The following DOCK1 variants were observed in gnomAD, a reference collection of about 807,000 sequenced individuals.
DOCK1 encodes the protein dedicator of cytokinesis protein 1.
Under a neutral mutation model 262.7 loss-of-function variants are expected in DOCK1, and 138 were observed. That is an observed-to-expected ratio of 0.53 (90% CI 0.46 to 0.61). DOCK1 has a LOEUF of 0.61. DOCK1 is among the 20% of genes least tolerant of loss of function. DOCK1 has a pLI of 0.00. For synonymous variants in DOCK1, 866 were observed against 867.4 expected (o/e 1.00, Z 0.03); for missense variants, 1,908 against 2,370.7 (o/e 0.80, Z 4.05).
At chr10:127,444,917 C>T (rs1276444612) in intron 50 of DOCK1, among the ~76,000 whole-genome samples, 2 of 151,656 alleles carry the variant, frequency 1.3e-5, no homozygotes, top group African/African-American at 2.4e-5. Context: ...ACATCACTCC[C>T]CTCTCTGCCC....
At position 127,215,078 on chromosome 10, in the gene DOCK1, C is replaced by T. The variant is rs1451601471; in HGVS notation, c.2848-32930C>T. Among the ~76,000 whole-genome samples, 3 of 152,054 alleles carry T rather than the reference C, an allele frequency of 2.0e-5. No individual in the cohort carries two copies. The East Asian group carries it at 5.8e-4, about 30-fold the overall frequency. On this transcript the variant is annotated intron_variant, in intron 27 of 51. Transcript: ENST00000623213. ...TTTCACCCAGGGCCTCCCTTTGGTT[C>T]TCGTTTTGTTCTTTGCCTCTTCCAG...
At chr10:127,340,035 C>T (rs1317498135) in intron 30 of DOCK1, among the ~76,000 whole-genome samples, 1 of 152,070 alleles carries the variant, frequency 6.6e-6, no homozygotes, top group Non-Finnish European at 1.5e-5. Context: ...AATAAGTTTA[C>T]CCAATGCTCT....
chr10:127,286,951 C>T (rs2061176743), intron 29 of DOCK1, among the ~76,000 whole-genome samples: 1 of 151,560 alleles, frequency 6.6e-6, no homozygotes, highest in Non-Finnish European at 1.5e-5. Flanking sequence ...TCTCGGCTCA[C>T]TGCAAGTTCC....
chr10:127,014,001 C>T (rs541469004), intron 12 of DOCK1, among the ~76,000 whole-genome samples: 2 of 152,326 alleles, frequency 1.3e-5, no homozygotes, highest in East Asian at 1.9e-4. Flanking sequence ...TGACTGTTAG[C>T]GGCCCCAGGA....
intron 27 of DOCK1, among the ~76,000 whole-genome samples, chr10:127,212,153 A>G (rs2058009663): frequency 6.6e-6 from 1 of 152,154 alleles, no homozygotes; most frequent in African/African-American, 2.4e-5. Flanking sequence ...TCACGGAAGC[A>G]GAGTTATTTA....
At chr10:127,219,867 A>G (rs2058359136) in intron 27 of DOCK1, among the ~76,000 whole-genome samples, 1 of 152,150 alleles carries the variant, frequency 6.6e-6, no homozygotes, top group Admixed American at 6.5e-5. Context: ...CCATGGCCCC[A>G]GCCCACATCT....
chr10:126,949,493 C>A (rs1209178186), intron 1 of DOCK1, among the ~76,000 whole-genome samples: 1 of 152,106 alleles, frequency 6.6e-6, no homozygotes, highest in Non-Finnish European at 1.5e-5. Context: ...ATGATGAGAC[C>A]CATTCTTGTG....
At chr10:127,410,574 CTCT>C (rs1352384183) in intron 42 of DOCK1, among the ~76,000 whole-genome samples, 6 of 152,174 alleles carry the variant, frequency 3.9e-5, no homozygotes, top group Non-Finnish European at 8.8e-5. Context: ...TTCACCTTTC[CTCT>C]GTTTTTGCTC....
chr10:127,384,919 A>G lies in DOCK1; in HGVS notation c.3927+10A>G, dbSNP rs1358887020. ...CTTCGACAAAGGCAAGGTAAAACAC[A>G]AAAAGCAATTGTCCTTGTTTTCCTC... On this transcript the variant is annotated intron_variant, in intron 38 of 51. Transcript: ENST00000623213. 2 of 1,582,574 alleles carry G rather than the reference A, an allele frequency of 1.3e-6. No individual in the cohort carries two copies. Among genetic ancestry groups the G allele is most frequent in the African/African-American group, 2.7e-5 (2 of 73,692 alleles).
chr10:126,969,591 T>C (rs994941169), intron 1 of DOCK1, among the ~76,000 whole-genome samples: 1 of 152,164 alleles, frequency 6.6e-6, no homozygotes, highest in Non-Finnish European at 1.5e-5. Context: ...CAGGGCTGTT[T>C]GGAGGAGCGG....
At chr10:127,204,031 G>A (rs1025011025) in intron 27 of DOCK1, among the ~76,000 whole-genome samples, 5 of 151,676 alleles carry the variant, frequency 3.3e-5, no homozygotes, top group Non-Finnish European at 2.9e-5. Flanking sequence ...TTGTACAAAC[G>A]CTCCTGGCTT....
chr10:126,924,299 G>A (rs1472274632), intron 1 of DOCK1, among the ~76,000 whole-genome samples: 1 of 132,598 alleles, frequency 7.5e-6, no homozygotes, highest in African/African-American at 2.9e-5. Flanking sequence ...GAACTCAGTA[G>A]GGGGAGGCTG....
intron 19 of DOCK1, among the ~76,000 whole-genome samples, chr10:127,041,001 A>T (rs1248183015): frequency 6.6e-6 from 1 of 152,138 alleles, no homozygotes; most frequent in African/African-American, 2.4e-5. Context: ...AAATTGAATC[A>T]TACGCCCTGT....
chr10:127,004,392 A>G (rs891471039), intron 10 of DOCK1, among the ~76,000 whole-genome samples: 2 of 152,162 alleles, frequency 1.3e-5, no homozygotes, highest in African/African-American at 4.8e-5. Context: ...CAAAAAGTAA[A>G]TATCTTAATG....
At chr10:127,426,040 G>C (rs373329050) in intron 47 of DOCK1, 29 bp downstream of exon 47, 2 of 1,612,280 alleles carry the variant, frequency 1.2e-6, no homozygotes, top group Non-Finnish European at 1.7e-6. Context: ...TAGTGTTGCA[G>C]AAGAGTGGGT....
At chr10:127,036,981 G>GAAAAAAAAAAAAAAAAAA (rs11429952) in intron 18 of DOCK1, among the ~76,000 whole-genome samples, 1 of 128,036 alleles carries the variant, frequency 7.8e-6, no homozygotes. Context: ...CCATCTCAAG[G>GAAAAAAAAAAAAAAAAAA]AAAAAAAAAA....
chr10:127,131,730 A>G (rs917551372), intron 27 of DOCK1, among the ~76,000 whole-genome samples: 17 of 152,220 alleles, frequency 1.1e-4, no homozygotes, highest in Admixed American at 1.3e-4. Context: ...ATCCCTGACA[A>G]GGTGGACAAA....
rs1210732683 is a variant in DOCK1, at chr10:127,000,323, G to A, written c.985+16G>A. 2.5e-6 allele frequency: 4 copies of A among 1,612,034 alleles called. No homozygotes were observed. Among genetic ancestry groups the A allele is most frequent in the South Asian group, 1.1e-5 (1 of 90,762 alleles). On this transcript the variant is annotated intron_variant, in intron 10 of 51. Transcript: ENST00000623213. ...GGAGTGGCTGGTAATCTATTTCTCTGTGTTTCCTTGAGAGTTTCAGATCTT... is the reference window on the plus strand; with the variant it reads ...GGAGTGGCTGGTAATCTATTTCTCTATGTTTCCTTGAGAGTTTCAGATCTT...
Position 126,949,020 on chromosome 10 carries a change from G to A in DOCK1, c.47-21682G>A, listed in dbSNP as rs1016036494. On this transcript the variant is annotated intron_variant, in intron 1 of 51. Transcript: ENST00000623213. ...CTGTTCCCTTTGTAACTGAGCTTTC[G>A]TCTTTGCTTTGGTTCCCTGGCCACC... Among the ~76,000 whole-genome samples the A allele has an allele frequency of 1.2e-4, 18 of 152,196 alleles. No individual in the cohort carries two copies. The South Asian group carries it at 2.9e-3, about 25-fold the overall frequency.
Sources: gnomAD v4.1 joint callset for allele counts (sites outside exome capture counted in the v4.1 genomes callset) on GRCh38, gnomAD v4.1.1 for gene constraint, MANE v1.5 for transcripts, NCBI Gene and HGNC (gene_info 2026-07-23, HGNC 2026-07-21) for gene names.